Variants in AGMO observed in about 807,000 individuals in gnomAD.
AGMO encodes alkylglycerol monooxygenase, also known as glyceryl-ether monooxygenase.
AGMO carries 75 observed loss-of-function variants against 60.2 expected under a neutral mutation model. The ratio of observed to expected loss-of-function variants is 1.25; its 90% CI spans 1.03 to 1.51. The LOEUF (loss-of-function observed/expected upper bound fraction) is 1.51, where lower values mean the gene tolerates loss of function less well. Ranked by LOEUF, AGMO falls within the 40% of genes most tolerant of loss-of-function variation. The pLI is 0.00. For missense variants in AGMO, 763 were observed against 525.5 expected, an observed-to-expected ratio of 1.45 and a Z score of -4.42; for synonymous variants, 261 against 177.1, an observed-to-expected ratio of 1.47 and a Z score of -3.76.
At chr7:15,302,643 A>G (rs1780478962) in intron 12 of AGMO, among the ~76,000 whole-genome samples, 1 of 152,170 alleles carries the variant, frequency 6.6e-6, no homozygotes, top group African/African-American at 2.4e-5. Context: ...CAAAGCAGGT[A>G]TTTATTTTCT....
chr7:15,401,798 T>C lies in AGMO; in HGVS notation c.610-7619A>G, dbSNP rs144025982. On this transcript the variant is annotated intron_variant, in intron 5 of 12. Coordinates refer to ENST00000342526, the MANE Select transcript of AGMO (RefSeq NM_001004320.2). ...CATGTGTTTTACAGAACCCTCTTTATAAACATGCATGTGCAAGATGATATG... is the reference window on the plus strand; with the variant it reads ...CATGTGTTTTACAGAACCCTCTTTACAAACATGCATGTGCAAGATGATATG... 2.5e-3 allele frequency among the ~76,000 whole-genome samples: 382 copies of C among 152,250 alleles called. 1 individual carries two copies. Among genetic ancestry groups the C allele is most frequent in the African/African-American group, 8.8e-3 (367 of 41,564 alleles).
chr7:15,409,892 T>C (rs1237175295), intron 5 of AGMO, among the ~76,000 whole-genome samples: 1 of 151,766 alleles, frequency 6.6e-6, no homozygotes, highest in Non-Finnish European at 1.5e-5. Flanking sequence ...GTATATTTAA[T>C]TGGAGGTAAT....
the AGMO span, among the ~76,000 whole-genome samples, chr7:15,179,036 T>C: frequency 1.3e-5 from 2 of 152,174 alleles, no homozygotes; most frequent in Non-Finnish European, 2.9e-5. Flanking sequence ...CCTCATGACC[T>C]AATCACCTTT....
intron 3 of AGMO, among the ~76,000 whole-genome samples, chr7:15,469,913 G>A (rs12530666): frequency 0.46 from 70,283 of 151,766 alleles, 17,136 homozygotes; most frequent in Non-Finnish European, 0.56. Flanking sequence ...TCAATTATAC[G>A]TAGGCATAGA....
At chr7:15,498,343 G>A (rs1288792806) in intron 3 of AGMO, among the ~76,000 whole-genome samples, 1 of 151,908 alleles carries the variant, frequency 6.6e-6, no homozygotes. Context: ...GTAGTTTCAA[G>A]TCTAACTATT....
downstream of AGMO, among the ~76,000 whole-genome samples, chr7:15,198,999 G>A (rs919784081): frequency 6.6e-6 from 1 of 152,050 alleles, no homozygotes; most frequent in Non-Finnish European, 1.5e-5. Context: ...GCAAGAAGGG[G>A]GTTTGTTTTA....
intron 5 of AGMO, among the ~76,000 whole-genome samples, chr7:15,403,552 AAT>A (rs1334697539): frequency 4.6e-5 from 7 of 152,138 alleles, no homozygotes; most frequent in African/African-American, 1.7e-4. Flanking sequence ...TATACATAAA[AAT>A]ATGATTTTAT....
chr7:15,474,494 A>G (rs1208082674), intron 3 of AGMO, among the ~76,000 whole-genome samples: 4 of 152,176 alleles, frequency 2.6e-5, no homozygotes, highest in Admixed American at 2.0e-4. Flanking sequence ...GGATAGCGAT[A>G]TGCAGAAAAC....
intron 3 of AGMO, among the ~76,000 whole-genome samples, chr7:15,510,070 T>A (rs919633603): frequency 1.3e-5 from 2 of 152,108 alleles, no homozygotes; most frequent in African/African-American, 4.8e-5. Context: ...GGTTAACATA[T>A]CAAAAGGAAA....
chr7:15,557,006 A>G (rs1413168323), intron 2 of AGMO, among the ~76,000 whole-genome samples: 4 of 152,012 alleles, frequency 2.6e-5, no homozygotes, highest in Non-Finnish European at 5.9e-5. Context: ...AAGACATAAT[A>G]TTGTCCATCG....
In AGMO at chr7:15,390,754, G is replaced by A. The variant is rs767215117; in HGVS notation, c.743-4C>T. 2.5e-6 allele frequency: 4 copies of A among 1,605,648 alleles called. No individual in the cohort carries two copies. In the East Asian group the frequency reaches 6.7e-5, roughly 27 times the overall value. ...TCATTTTCTGCTTCAAATGTCCCTG[G>A]AAGATAAATATAAAGATATGAGATT... On this transcript the variant is annotated splice_polypyrimidine_tract_variant and splice_region_variant and intron_variant, in intron 7 of 12. Transcript: ENST00000342526.
chr7:15,392,130 C>A (rs994429072), intron 6 of AGMO, among the ~76,000 whole-genome samples: 1 of 151,688 alleles, frequency 6.6e-6, no homozygotes, highest in Non-Finnish European at 1.5e-5. Context: ...AGTGCAGTGG[C>A]GCCATCTCGG....
At chr7:15,212,698 G>A (rs954660187) in intron 12 of AGMO, among the ~76,000 whole-genome samples, 2 of 151,940 alleles carry the variant, frequency 1.3e-5, no homozygotes, top group Non-Finnish European at 2.9e-5. Flanking sequence ...AGCAGGTAGA[G>A]TATTCCCTGA....
chr7:15,515,657 T>C (rs1033652504), intron 3 of AGMO, among the ~76,000 whole-genome samples: 2 of 152,246 alleles, frequency 1.3e-5, no homozygotes, highest in Non-Finnish European at 2.9e-5. Flanking sequence ...AATAGCCTTC[T>C]CATGTAGAAA....
chr7:15,397,532 A>C (rs560524810), intron 5 of AGMO, among the ~76,000 whole-genome samples: 10 of 152,180 alleles, frequency 6.6e-5, no homozygotes, highest in African/African-American at 2.4e-4. Flanking sequence ...GAGAGCTAGC[A>C]AGGGCTGCTA....
chr7:15,358,548 T>C, intron 12 of AGMO: 1 of 395,242 alleles, frequency 2.5e-6, no homozygotes, highest in Non-Finnish European at 5.2e-6. Flanking sequence ...CCTTCTTAGA[T>C]GCAGGTGGGA....
intron 5 of AGMO, among the ~76,000 whole-genome samples, chr7:15,403,593 A>C (rs1465357035): frequency 6.6e-6 from 1 of 151,988 alleles, no homozygotes; most frequent in Non-Finnish European, 1.5e-5. Context: ...AGCAATTCTA[A>C]TTTAAAGTTT....
the AGMO span, among the ~76,000 whole-genome samples, chr7:15,161,330 AT>A: frequency 2.0e-5 from 3 of 152,050 alleles, no homozygotes; most frequent in Middle Eastern, 3.2e-3. Flanking sequence ...GAAAGAGCAA[AT>A]TCTGCCTGCA....
chr7:15,477,914 T>C (rs1355790983), intron 3 of AGMO, among the ~76,000 whole-genome samples: 3 of 152,168 alleles, frequency 2.0e-5, no homozygotes, highest in Admixed American at 6.6e-5. Flanking sequence ...TAACCACTTC[T>C]ATACTGGATA....
Sources: gnomAD v4.1 joint callset for allele counts (sites outside exome capture counted in the v4.1 genomes callset) on GRCh38, gnomAD v4.1.1 for gene constraint, MANE v1.5 for transcripts, NCBI Gene and HGNC (gene_info 2026-07-23, HGNC 2026-07-21) for gene names.